Variants in C19orf47 observed in about 807,000 individuals in gnomAD.
C19orf47 encodes chromosome 19 open reading frame 47, also known as uncharacterized protein C19orf47.
Under a neutral mutation model 32.3 loss-of-function variants are expected in C19orf47, and 18 were observed. The observed-to-expected ratio is 0.56, with a 90% CI of 0.39 to 0.83. The LOEUF is 0.83. Among genes scored for constraint, C19orf47 ranks in the 40% least tolerant of loss-of-function variants. The pLI is 0.00. For missense variants in C19orf47, 484 were observed against 531.6 expected, an observed-to-expected ratio of 0.91 and a Z score of 0.88; for synonymous variants, 202 against 211.1, an observed-to-expected ratio of 0.96 and a Z score of 0.37.
the C19orf47 span, among the ~76,000 whole-genome samples, chr19:40,296,721 C>T: frequency 1.3e-5 from 2 of 152,004 alleles, no homozygotes; most frequent in African/African-American, 4.8e-5. Context: ...CAAGACCAGC[C>T]TGGCCAACAT....
the C19orf47 span, among the ~76,000 whole-genome samples, chr19:40,307,542 G>A: frequency 6.6e-6 from 1 of 152,038 alleles, no homozygotes; most frequent in African/African-American, 2.4e-5. Flanking sequence ...GCCATACCTG[G>A]CTAATTTTTG....
In C19orf47 at chr19:40,328,340, C is replaced by T. The variant is rs138201595; in HGVS notation, c.439+73G>A. 88 of 1,573,582 alleles carry T rather than the reference C, an allele frequency of 5.6e-5. 1 individual carries two copies. In the African/African-American group the frequency reaches 5.9e-4, roughly 11 times the overall value. On this transcript the variant is annotated intron_variant, in intron 6 of 8. Coordinates refer to ENST00000683109, the MANE Select transcript of C19orf47 (RefSeq NM_001256441.2). ...TCAAAGCACCTTACAATATTGGAAG[C>T]ATGACCCCCAACACCTCCTACCAAC... is the stretch of plus-strand genomic sequence containing the variant.
At chr19:40,333,330 T>C (rs1340938947) in intron 5 of C19orf47, among the ~76,000 whole-genome samples, 1 of 149,364 alleles carries the variant, frequency 6.7e-6, no homozygotes, top group African/African-American at 2.5e-5. Flanking sequence ...AAGCACAGTG[T>C]TGAAGTGCTG....
At chr19:40,306,664 A>G in the C19orf47 span, among the ~76,000 whole-genome samples, 1 of 152,054 alleles carries the variant, frequency 6.6e-6, no homozygotes, top group East Asian at 1.9e-4. Context: ...CAGCCTCCCA[A>G]AGTGCTGGGA....
the C19orf47 span, among the ~76,000 whole-genome samples, chr19:40,311,750 G>A: frequency 1.3e-5 from 2 of 151,784 alleles, no homozygotes; most frequent in Non-Finnish European, 2.9e-5. Context: ...CTGCCTCCTG[G>A]GTTCAAGCGA....
chr19:40,314,638 T>C (rs1418566154), downstream of C19orf47, among the ~76,000 whole-genome samples: 1 of 152,214 alleles, frequency 6.6e-6, no homozygotes, highest in Non-Finnish European at 1.5e-5. Flanking sequence ...CACATTTCCT[T>C]TGCAGAAGAA....
At chr19:40,326,184 GCCA>G (rs2077824411) in intron 7 of C19orf47, 147 bp downstream of exon 7, 1 of 1,102,804 alleles carries the variant, frequency 9.1e-7, no homozygotes, top group South Asian at 1.6e-5. Context: ...CTCCTCTGCA[GCCA>G]CCATCACTGT....
At chr19:40,312,413 C>T in the C19orf47 span, among the ~76,000 whole-genome samples, 5 of 152,192 alleles carry the variant, frequency 3.3e-5, no homozygotes, top group East Asian at 1.9e-4. Context: ...GGCATGGTGG[C>T]GGGCGCCTGT....
intron 5 of C19orf47, among the ~76,000 whole-genome samples, chr19:40,329,549 C>G (rs1239921828): frequency 1.3e-5 from 2 of 151,962 alleles, no homozygotes; most frequent in South Asian, 2.1e-4. Flanking sequence ...TAAACCATCA[C>G]AGAACATTTA....
At chr19:40,305,337 T>C in the C19orf47 span, among the ~76,000 whole-genome samples, 29 of 149,446 alleles carry the variant, frequency 1.9e-4, no homozygotes, top group Non-Finnish European at 3.3e-4. Flanking sequence ...AGTCAGACTC[T>C]GTCTCAAAAA....
At chr19:40,334,007 G>T in intron 4 of C19orf47, 78 bp from the exon 5 acceptor site, 1 of 1,045,508 alleles carries the variant, frequency 9.6e-7, no homozygotes, top group Non-Finnish European at 1.4e-6. Flanking sequence ...ACACCACAAG[G>T]ATCAACACCT....
chr19:40,348,407 G>C (rs370249381), upstream of C19orf47: 6 of 1,395,564 alleles, frequency 4.3e-6, no homozygotes, highest in East Asian at 1.1e-4. Context: ...CCCCCGGCCC[G>C]GGCTGCCCGC....
chr19:40,341,269 G>A (rs189298636), intron 2 of C19orf47, among the ~76,000 whole-genome samples: 1 of 152,118 alleles, frequency 6.6e-6, no homozygotes, highest in East Asian at 1.9e-4. Flanking sequence ...GGGAGGTGGA[G>A]GCTGCAGTGA....
At chr19:40,315,096 A>G (rs759787551), downstream of C19orf47, among the ~76,000 whole-genome samples, 12 of 152,174 alleles carry the variant, frequency 7.9e-5, no homozygotes, top group Admixed American at 1.3e-4. Flanking sequence ...GTCAATATAA[A>G]TGTCTGGAGC....
intron 5 of C19orf47, among the ~76,000 whole-genome samples, chr19:40,330,259 C>T (rs8105478): frequency 0.11 from 16,527 of 150,742 alleles, 1,325 homozygotes; most frequent in African/African-American, 0.22. Context: ...GACAGAGTCT[C>T]GCTCTGTCGC....
intron 1 of C19orf47, among the ~76,000 whole-genome samples, chr19:40,345,500 G>A (rs1157880575): frequency 2.0e-5 from 3 of 146,780 alleles, no homozygotes; most frequent in Non-Finnish European, 4.5e-5. Context: ...GGATTTTGAG[G>A]CCAGCCTGGG....
rs144203875 is a variant in C19orf47 at position 40,322,152 on chromosome 19, C to T, written c.888G>A (p.Ala296=). 793 of 1,613,642 alleles carry T rather than the reference C, an allele frequency of 4.9e-4. 9 individuals carry two copies. The East Asian group carries it at 0.016, about 33-fold the overall frequency. Residue 296 remains alanine (A), a synonymous_variant, in exon 9 of 9, where the codon GCG becomes GCA. Transcript: ENST00000683109. ...TCTCAAGCCCAGACCGTGAGGAAAG[C>T]GCCAGGCGCCGCAGTGTCGGGGCAG... ...TAAAPTLRRL[A]LSSRSGLERK...
the C19orf47 span, among the ~76,000 whole-genome samples, chr19:40,304,942 G>C: frequency 1.1e-4 from 16 of 152,194 alleles, no homozygotes; most frequent in South Asian, 1.2e-3. Flanking sequence ...TCTGTTTACC[G>C]AGTTGGCCAG....
intron 4 of C19orf47, chr19:40,334,953 G>A (rs926721019): frequency 2.0e-5 from 3 of 147,092 alleles, no homozygotes; most frequent in Admixed American, 6.8e-5. Context: ...AGGAAGGAAG[G>A]GGGGTAGGGA....
Sources: gnomAD v4.1 joint callset for allele counts (sites outside exome capture counted in the v4.1 genomes callset) on GRCh38, gnomAD v4.1.1 for gene constraint, MANE v1.5 for transcripts, NCBI Gene and HGNC (gene_info 2026-07-23, HGNC 2026-07-21) for gene names.